Variants in RARB observed in about 807,000 individuals in gnomAD.
RARB encodes retinoic acid receptor beta.
RARB carries 17 observed loss-of-function variants against 51.9 expected under a neutral mutation model. The ratio of observed to expected loss-of-function variants is 0.33; its 90% CI spans 0.22 to 0.49. The LOEUF is 0.49. Ranked by LOEUF, RARB falls within the 20% of genes least tolerant of loss-of-function variation. The pLI is 0.99. For missense variants in RARB, 369 were observed against 550.8 expected, an observed-to-expected ratio of 0.67 and a Z score of 3.30; for synonymous variants, 215 against 195.4, an observed-to-expected ratio of 1.10 and a Z score of -0.84.
chr3:25,171,440 ATTTTTT>A (rs1157902711), intron 4 of RARB, among the ~76,000 whole-genome samples: 8 of 32,188 alleles, frequency 2.5e-4, no homozygotes, highest in Non-Finnish European at 4.3e-4. Context: ...CGACACATTG[ATTTTTT>A]TTTTTTTTTT....
chr3:25,192,587 G>T (rs1258862366), intron 5 of RARB, among the ~76,000 whole-genome samples: 1 of 152,034 alleles, frequency 6.6e-6, no homozygotes. Flanking sequence ...ACTTGGGGCA[G>T]AACTGTTCCC....
chr3:25,310,271 G>A (rs1559352798), intron 5 of RARB, among the ~76,000 whole-genome samples: 1 of 152,236 alleles, frequency 6.6e-6, no homozygotes, highest in African/African-American at 2.4e-5. Flanking sequence ...TATGGAGCAT[G>A]AGTGAGAAAT....
chr3:24,906,917 G>A (rs1362368558), intron 2 of RARB, among the ~76,000 whole-genome samples: 1 of 151,432 alleles, frequency 6.6e-6, no homozygotes, highest in African/African-American at 2.4e-5. Context: ...AAACCTGGAG[G>A]ATATAATATT....
chr3:24,884,924 A>G (rs908581258), intron 2 of RARB, among the ~76,000 whole-genome samples: 1 of 152,144 alleles, frequency 6.6e-6, no homozygotes, highest in Non-Finnish European at 1.5e-5. Context: ...ACATGGGGCC[A>G]TACTTCTTTT....
chr3:25,204,611 T>A (rs1320344097), intron 5 of RARB, among the ~76,000 whole-genome samples: 1 of 152,214 alleles, frequency 6.6e-6, no homozygotes, highest in Non-Finnish European at 1.5e-5. Flanking sequence ...TTGGTGTGGA[T>A]GTCCTTTCTG....
intron 1 of RARB, among the ~76,000 whole-genome samples, chr3:25,448,463 CTT>C: frequency 6.6e-6 from 1 of 152,142 alleles, no homozygotes; most frequent in Non-Finnish European, 1.5e-5. Context: ...ACTTGAGAAT[CTT>C]TTCTTTCTTT....
Position 25,124,737 on chromosome 3 carries a change from C to T in RARB, c.-327-7424C>T, listed in dbSNP as rs553032328. ...AAGTTGAGATTGAGGTATTTGCTTT[C>T]TTTTCCCATTTGATTTATGGTCCTT... On this transcript the variant is annotated intron_variant, in intron 3 of 11. Coordinates refer to the RARB transcript ENST00000383772. Among the ~76,000 whole-genome samples, 9 of 152,304 alleles carry T rather than the reference C, an allele frequency of 5.9e-5. No homozygotes were observed. In the South Asian group the frequency reaches 1.9e-3, roughly 32 times the overall value.
chr3:25,092,389 C>T (rs1301317967), intron 3 of RARB, among the ~76,000 whole-genome samples: 1 of 152,124 alleles, frequency 6.6e-6, no homozygotes, highest in South Asian at 2.1e-4. Context: ...AAAAAAACCT[C>T]TTTCCATATA....
At chr3:25,576,865 G>C (rs1700957650) in intron 4 of RARB, among the ~76,000 whole-genome samples, 1 of 152,176 alleles carries the variant, frequency 6.6e-6, no homozygotes, top group African/African-American at 2.4e-5. Flanking sequence ...CGTGTTGGGG[G>C]CCTTCTCCTC....
intron 2 of RARB, among the ~76,000 whole-genome samples, chr3:24,895,530 A>G (rs114588222): frequency 2.3e-3 from 355 of 151,784 alleles, no homozygotes; most frequent in African/African-American, 8.3e-3. Flanking sequence ...TTTAAAATGC[A>G]CTCAGGGAAT....
At chr3:25,151,722 G>T (rs548378485) in intron 4 of RARB, among the ~76,000 whole-genome samples, 2 of 152,292 alleles carry the variant, frequency 1.3e-5, no homozygotes, top group East Asian at 1.9e-4. Flanking sequence ...CAATCGGATG[G>T]GCGGAACAAT....
chr3:25,505,508 T>C (rs781178568), intron 3 of RARB, among the ~76,000 whole-genome samples: 3 of 152,022 alleles, frequency 2.0e-5, no homozygotes, highest in Non-Finnish European at 4.4e-5. Context: ...AGAAATCCTT[T>C]AACGTGGCCT....
At chr3:25,301,215 A>T (rs929900452) in intron 5 of RARB, among the ~76,000 whole-genome samples, 3 of 152,224 alleles carry the variant, frequency 2.0e-5, no homozygotes, top group African/African-American at 7.2e-5. Flanking sequence ...GTTTATCAGG[A>T]CATAACCTCA....
intron 2 of RARB, among the ~76,000 whole-genome samples, chr3:25,480,236 A>G (rs923575038): frequency 6.6e-6 from 1 of 152,264 alleles, no homozygotes; most frequent in Non-Finnish European, 1.5e-5. Flanking sequence ...AATTTTGAGA[A>G]GTAGACAGTG....
chr3:25,295,066 A>G (rs1412807743), intron 5 of RARB, among the ~76,000 whole-genome samples: 1 of 152,168 alleles, frequency 6.6e-6, no homozygotes, highest in Non-Finnish European at 1.5e-5. Flanking sequence ...AATTATATAG[A>G]CTATGTGTTA....
intron 2 of RARB, among the ~76,000 whole-genome samples, chr3:25,001,778 C>G (rs1697165866): frequency 6.6e-6 from 1 of 152,168 alleles, no homozygotes. Flanking sequence ...TTCATTTTTA[C>G]TTACAGCACT....
intron 3 of RARB, among the ~76,000 whole-genome samples, chr3:25,554,014 T>A (rs1699948422): frequency 6.6e-6 from 1 of 151,798 alleles, no homozygotes; most frequent in Non-Finnish European, 1.5e-5. Context: ...TGTTTCCCCA[T>A]GTGTTTTCAG....
intron 2 of RARB, among the ~76,000 whole-genome samples, chr3:24,864,623 G>T (rs373906289): frequency 6.6e-6 from 1 of 152,044 alleles, no homozygotes; most frequent in Non-Finnish European, 1.5e-5. Context: ...AACTCCTGGC[G>T]TCAAACTCCA....
chr3:24,961,332 G>A (rs776014483), intron 2 of RARB, among the ~76,000 whole-genome samples: 6 of 152,128 alleles, frequency 3.9e-5, no homozygotes, highest in Non-Finnish European at 8.8e-5. Flanking sequence ...TGCAAATATT[G>A]TGCAATGAAT....
Sources: allele counts gnomAD v4.1 joint callset (sites outside exome capture counted in the v4.1 genomes callset), GRCh38; gene constraint gnomAD v4.1.1; transcripts MANE v1.5; gene names NCBI Gene and HGNC (gene_info 2026-07-23, HGNC 2026-07-21).